The following LRGUK variants were observed in gnomAD, a reference collection of about 807,000 sequenced individuals.
The protein encoded by LRGUK is leucine-rich repeat and guanylate kinase domain-containing protein.
In LRGUK, 65 loss-of-function variants were observed where a neutral mutation model predicts 76.0. The ratio of observed to expected loss-of-function variants is 0.85; its 90% CI spans 0.70 to 1.05. LRGUK has a LOEUF of 1.05. Among genes scored for constraint, LRGUK ranks in the 50% least tolerant of loss-of-function variants. The pLI is 0.00. For missense variants in LRGUK, 758 were observed against 732.8 expected, an observed-to-expected ratio of 1.03 and a Z score of -0.40; for synonymous variants, 268 against 265.6, an observed-to-expected ratio of 1.01 and a Z score of -0.09.
rs182812619 is a variant in LRGUK at position 134,220,722 on chromosome 7, C to T, written c.1844-1057C>T. ...TAGTTAGGATTACAGGCACACACCACCACATCAGGCTAATTTTTGTATTTT... is the reference window on the plus strand; with the variant it reads ...TAGTTAGGATTACAGGCACACACCATCACATCAGGCTAATTTTTGTATTTT... On this transcript the variant is annotated intron_variant, in intron 15 of 19. Transcript: ENST00000285928. Among the ~76,000 whole-genome samples the T allele has an allele frequency of 1.3e-4, 20 of 152,170 alleles. No homozygotes were observed. The East Asian group carries it at 3.7e-3, about 28-fold the overall frequency.
At chr7:134,182,215 T>C (rs1799786314) in intron 10 of LRGUK, among the ~76,000 whole-genome samples, 1 of 152,234 alleles carries the variant, frequency 6.6e-6, no homozygotes, top group South Asian at 2.1e-4. Flanking sequence ...TAGCATTCCA[T>C]GGCGTGAAAG....
chr7:134,142,010 C>G (rs1020150314), intron 3 of LRGUK, among the ~76,000 whole-genome samples: 15 of 152,156 alleles, frequency 9.9e-5, no homozygotes, highest in African/African-American at 3.6e-4. Context: ...CATAGCATGT[C>G]CTACCCACCT....
intron 11 of LRGUK, among the ~76,000 whole-genome samples, chr7:134,186,140 G>A (rs924589589): frequency 3.3e-5 from 5 of 152,212 alleles, no homozygotes; most frequent in African/African-American, 1.2e-4. Flanking sequence ...TACCAGTTAT[G>A]TTGCAAATGG....
At chr7:134,197,131 A>ATG in intron 13 of LRGUK, 26 bp downstream of exon 13, 1 of 1,354,612 alleles carries the variant, frequency 7.4e-7, no homozygotes, top group Non-Finnish European at 1.1e-6. Context: ...CAACCAATTA[A>ATG]TGTGTGTGTA....
chr7:134,259,399 GGGGAGAACTCTCTAATGCA>G (rs1802665323), intron 19 of LRGUK, among the ~76,000 whole-genome samples: 1 of 152,096 alleles, frequency 6.6e-6, no homozygotes, highest in African/African-American at 2.4e-5. Flanking sequence ...TGAAGTGAAT[GGGGAGAACTCTCTAATGCA>G]TGGAGGCTAG....
chr7:134,205,613 TA>T (rs1218546155), intron 15 of LRGUK, among the ~76,000 whole-genome samples: 1 of 152,172 alleles, frequency 6.6e-6, no homozygotes, highest in African/African-American at 2.4e-5. Flanking sequence ...GAAATTGAAA[TA>T]AAAAATATTT....
At chr7:134,181,521 T>G (rs1208742773) in intron 10 of LRGUK, among the ~76,000 whole-genome samples, 50 of 3,730 alleles carry the variant, frequency 0.013, no homozygotes, top group Non-Finnish European at 0.012. Context: ...TGCGTAGTGT[T>G]TTTTGTTTGT....
downstream of LRGUK, among the ~76,000 whole-genome samples, chr7:134,214,669 T>C (rs1293047703): frequency 1.3e-5 from 2 of 152,138 alleles, no homozygotes; most frequent in East Asian, 3.8e-4. Context: ...CTCTGGATTA[T>C]GGATTATGCA....
intron 16 of LRGUK, among the ~76,000 whole-genome samples, chr7:134,233,813 T>C (rs572630238): frequency 2.2e-4 from 33 of 152,308 alleles, no homozygotes; most frequent in South Asian, 1.2e-3. Flanking sequence ...ATTTCCAGTA[T>C]CTTTGCCCTC....
chr7:134,141,043 G>A (rs1333674323), intron 3 of LRGUK, among the ~76,000 whole-genome samples: 3 of 152,102 alleles, frequency 2.0e-5, no homozygotes, highest in Non-Finnish European at 4.4e-5. Context: ...AGGAAATCGC[G>A]GAGTGGTGGG....
intron 5 of LRGUK, among the ~76,000 whole-genome samples, chr7:134,148,914 C>CAA (rs764184635): frequency 7.7e-6 from 1 of 129,474 alleles, no homozygotes; most frequent in Non-Finnish European, 1.7e-5. Flanking sequence ...GACTCTGTCT[C>CAA]AAAAAAAAAA....
At chr7:134,237,148 G>T (rs1054601504) in intron 16 of LRGUK, among the ~76,000 whole-genome samples, 3 of 148,348 alleles carry the variant, frequency 2.0e-5, no homozygotes, top group South Asian at 4.3e-4. Flanking sequence ...TCCACCTCCC[G>T]GGTTCAAGTG....
At chr7:134,158,418 A>T (rs1156887928) in intron 6 of LRGUK, among the ~76,000 whole-genome samples, 1 of 152,228 alleles carries the variant, frequency 6.6e-6, no homozygotes, top group East Asian at 1.9e-4. Context: ...ATTTTAAATG[A>T]TCAGCTTTTT....
intron 10 of LRGUK, among the ~76,000 whole-genome samples, chr7:134,178,846 GGT>G (rs1799602856): frequency 7.0e-6 from 1 of 143,724 alleles, no homozygotes; most frequent in Non-Finnish European, 1.5e-5. Flanking sequence ...TCCCAAGCAT[GGT>G]GATGAGTTGA....
At chr7:134,174,836 C>G (rs1799416605) in intron 8 of LRGUK, among the ~76,000 whole-genome samples, 200 bp downstream of exon 8, 1 of 152,038 alleles carries the variant, frequency 6.6e-6, no homozygotes, top group Non-Finnish European at 1.5e-5. Context: ...ATAAGATCTT[C>G]TCTCATGACT....
intron 11 of LRGUK, among the ~76,000 whole-genome samples, chr7:134,190,142 T>C (rs974876142): frequency 1.3e-5 from 2 of 152,250 alleles, no homozygotes; most frequent in South Asian, 2.1e-4. Flanking sequence ...ACCTAGCTTA[T>C]GGTTTTTGTA....
chr7:134,137,182 C>A (rs1295892109), intron 2 of LRGUK, 52 bp downstream of exon 2: 1 of 1,325,028 alleles, frequency 7.5e-7, no homozygotes, highest in Non-Finnish European at 1.1e-6. Context: ...ACTGGCTAGA[C>A]CATATTCATT....
intron 18 of LRGUK, among the ~76,000 whole-genome samples, chr7:134,253,900 G>A (rs1027719026): frequency 1.3e-5 from 2 of 152,114 alleles, no homozygotes; most frequent in Non-Finnish European, 2.9e-5. Context: ...GAAAAAGTTT[G>A]TCTAGGTCCA....
chr7:134,195,553 G>T lies in LRGUK; in HGVS notation c.1432-1439G>T, dbSNP rs1450788645. ...CAAAGGCTGATCTTTTTGTTCTATT[G>T]AGGCCTTCAACTGATTGGATAAAGT... On this transcript the variant is annotated intron_variant, in intron 12 of 15. Transcript: ENST00000645682. Among the ~76,000 whole-genome samples, 48 of 152,196 alleles carry T rather than the reference G, an allele frequency of 3.2e-4. 1 individual carries two copies. Among genetic ancestry groups the T allele is most frequent in the Non-Finnish European group, 7.4e-5 (5 of 68,016 alleles).
Sources: gnomAD v4.1 joint callset for allele counts (sites outside exome capture counted in the v4.1 genomes callset) on GRCh38, gnomAD v4.1.1 for gene constraint, MANE v1.5 for transcripts, NCBI Gene and HGNC (gene_info 2026-07-23, HGNC 2026-07-21) for gene names.